COX7B2: variants seen among roughly 807,000 people sequenced by gnomAD.
The protein encoded by COX7B2 is cytochrome c oxidase subunit 7B2, mitochondrial.
For missense variants in COX7B2, 109 were observed against 95.9 expected (o/e 1.14, Z -0.57); for synonymous variants, 37 against 32.1 (o/e 1.15, Z -0.51).
At chr4:46,842,727 G>A (rs1716017073) in intron 2 of COX7B2, among the ~76,000 whole-genome samples, 5 of 152,004 alleles carry the variant, frequency 3.3e-5, no homozygotes, top group Admixed American at 2.6e-4. Context: ...CAAAGGACAC[G>A]AACTCATCAT....
chr4:46,796,266 C>T (rs1281400159), intron 2 of COX7B2, among the ~76,000 whole-genome samples: 1 of 148,824 alleles, frequency 6.7e-6, no homozygotes, highest in Non-Finnish European at 1.5e-5. Context: ...AGAGGGCATC[C>T]CTGTCTTGTG....
At chr4:46,856,827 T>G (rs1717035556) in intron 1 of COX7B2, among the ~76,000 whole-genome samples, 1 of 152,188 alleles carries the variant, frequency 6.6e-6, no homozygotes, top group South Asian at 2.1e-4. Flanking sequence ...AAGGTTTCTT[T>G]GTAGAGGCAA....
intron 1 of COX7B2, among the ~76,000 whole-genome samples, chr4:46,907,848 C>CATTTTTTTTTTTTTTTTTT (rs1720493464): frequency 1.7e-5 from 1 of 59,730 alleles, no homozygotes. Flanking sequence ...TTTGAGCAGA[C>CATTTTTTTTTTTTTTTTTT]TTTTTTTTTT....
chr4:46,812,226 C>A (rs1337468500), intron 2 of COX7B2, among the ~76,000 whole-genome samples: 2 of 152,108 alleles, frequency 1.3e-5, no homozygotes, highest in African/African-American at 4.8e-5. Context: ...CATAGGCTCA[C>A]TCTCCAAAGC....
intron 2 of COX7B2, among the ~76,000 whole-genome samples, chr4:46,751,893 C>T (rs997206128): frequency 1.4e-5 from 2 of 147,620 alleles, no homozygotes; most frequent in Non-Finnish European, 3.0e-5. Flanking sequence ...ATTGACTTGG[C>T]AATACGGGCT....
chr4:46,816,749 C>T (rs1327326243), intron 2 of COX7B2, among the ~76,000 whole-genome samples: 1 of 152,174 alleles, frequency 6.6e-6, no homozygotes, highest in African/African-American at 2.4e-5. Context: ...CAGAATATAA[C>T]TTCTCATTGA....
chr4:46,784,709 C>A (rs1034441808), intron 2 of COX7B2, among the ~76,000 whole-genome samples: 2 of 152,110 alleles, frequency 1.3e-5, no homozygotes, highest in Non-Finnish European at 2.9e-5. Context: ...AATTCTCAAC[C>A]CCAAGATCCA....
At chr4:46,784,895 G>T (rs1409117942) in intron 2 of COX7B2, among the ~76,000 whole-genome samples, 1 of 152,052 alleles carries the variant, frequency 6.6e-6, no homozygotes, top group African/African-American at 2.4e-5. Context: ...ATCCTGATAG[G>T]TTATCATATT....
At chr4:46,886,442 G>T (rs1295099425) in intron 1 of COX7B2, among the ~76,000 whole-genome samples, 1 of 152,078 alleles carries the variant, frequency 6.6e-6, no homozygotes, top group Non-Finnish European at 1.5e-5. Context: ...TATACAATAA[G>T]TTATCGTTAA....
At chr4:46,744,061 G>A (rs1448644738) in intron 2 of COX7B2, among the ~76,000 whole-genome samples, 1 of 151,974 alleles carries the variant, frequency 6.6e-6, no homozygotes, top group African/African-American at 2.4e-5. Flanking sequence ...TATTTGTGCA[G>A]ATGTTTCTCT....
intron 2 of COX7B2, among the ~76,000 whole-genome samples, chr4:46,822,845 A>C (rs1277282593): frequency 2.0e-5 from 3 of 152,232 alleles, no homozygotes; most frequent in Non-Finnish European, 1.5e-5. Context: ...CAGAAATAAA[A>C]ATAGCTAGAA....
chr4:46,861,103 T>C (rs1406716336), intron 1 of COX7B2, among the ~76,000 whole-genome samples: 1 of 152,186 alleles, frequency 6.6e-6, no homozygotes. Context: ...TATTCCTTAG[T>C]TTCCCTTCTA....
intron 2 of COX7B2, among the ~76,000 whole-genome samples, chr4:46,765,323 G>GT (rs1577679264): frequency 7.5e-6 from 1 of 133,202 alleles, no homozygotes; most frequent in East Asian, 2.6e-4. Flanking sequence ...GCCATTGCAG[G>GT]CGTAAGGAGA....
intron 2 of COX7B2, among the ~76,000 whole-genome samples, chr4:46,781,791 C>T (rs965620310): frequency 5.3e-5 from 8 of 152,210 alleles, no homozygotes; most frequent in South Asian, 2.1e-4. Context: ...CTGGTGCTGC[C>T]GGCCCCAAGC....
At chr4:46,767,224 A>C (rs913029519) in intron 2 of COX7B2, among the ~76,000 whole-genome samples, 1 of 152,244 alleles carries the variant, frequency 6.6e-6, no homozygotes, top group African/African-American at 2.4e-5. Context: ...GCTGTATCAG[A>C]CAATAGACAA....
chr4:46,892,509 C>T (rs1233747316), intron 1 of COX7B2, among the ~76,000 whole-genome samples: 1 of 152,074 alleles, frequency 6.6e-6, no homozygotes, highest in East Asian at 1.9e-4. Context: ...AATGACTTCC[C>T]CATCAGCTTA....
intron 2 of COX7B2, among the ~76,000 whole-genome samples, chr4:46,801,212 A>T: frequency 6.6e-6 from 1 of 152,174 alleles, no homozygotes; most frequent in East Asian, 1.9e-4. Flanking sequence ...CTACCATTTA[A>T]CCCAGTGATC....
At chr4:46,857,856 C>CT (rs1188776795) in intron 1 of COX7B2, among the ~76,000 whole-genome samples, 1 of 152,034 alleles carries the variant, frequency 6.6e-6, no homozygotes, top group African/African-American at 2.4e-5. Context: ...GGAATAAGAG[C>CT]TTTTTTGTGT....
chr4:46,819,012 T>C (rs1714075994), intron 2 of COX7B2, among the ~76,000 whole-genome samples: 1 of 152,234 alleles, frequency 6.6e-6, no homozygotes, highest in East Asian at 1.9e-4. Context: ...AATGCATGAT[T>C]GAATAAATGA....
Sources: allele counts gnomAD v4.1 joint callset (sites outside exome capture counted in the v4.1 genomes callset), GRCh38; gene constraint gnomAD v4.1.1; transcripts MANE v1.5; gene names NCBI Gene and HGNC (gene_info 2026-07-23, HGNC 2026-07-21).